MIGA1: variants seen among roughly 807,000 people sequenced by gnomAD.
MIGA1 encodes mitoguardin 1, also known as family with sequence similarity 73, member A.
A neutral mutation model predicts 82.0 loss-of-function variants in MIGA1; 58 were observed. The observed-to-expected ratio is 0.71, with a 90% CI of 0.57 to 0.88. The LOEUF (loss-of-function observed/expected upper bound fraction) is 0.88. Ranked by LOEUF, MIGA1 falls within the 40% of genes least tolerant of loss-of-function variation. The probability of loss-of-function intolerance (pLI) is 0.00; values close to 1 mark genes in which losing one functional copy is unlikely to be tolerated. For missense variants in MIGA1, 751 were observed against 749.1 expected, an observed-to-expected ratio of 1.00 and a Z score of -0.03; for synonymous variants, 249 against 253.6, an observed-to-expected ratio of 0.98 and a Z score of 0.17.
chr1:77,782,063 C>T (rs1201015398), intron 1 of MIGA1, among the ~76,000 whole-genome samples: 1 of 151,744 alleles, frequency 6.6e-6, no homozygotes, highest in East Asian at 1.9e-4. Context: ...GGTTCATGGA[C>T]TCAAGCAATC....
At position 77,828,478 on chromosome 1, in the gene MIGA1, G is replaced by T. The variant is rs184426280; in HGVS notation, c.895+13247G>T. Among the ~76,000 whole-genome samples the T allele has an allele frequency of 2.8e-3, 431 of 152,186 alleles. 3 individuals are homozygous for T. The highest frequency in any genetic ancestry group is 6.8e-3 in the Middle Eastern group (2 of 294). ...GATAGACAAGATGGGTATCATTAAGGTTTTTTGCAATAAATTTAAGTAAAT... is the reference window on the plus strand; with the variant it reads ...GATAGACAAGATGGGTATCATTAAGTTTTTTTGCAATAAATTTAAGTAAAT... On this transcript the variant is annotated intron_variant, in intron 7 of 15. Transcript: ENST00000370791.
Position 77,863,986 on chromosome 1 carries a change from TGTA to T in MIGA1, c.1471_1473del (p.Val491del). The T allele has an allele frequency of 6.2e-7, 1 of 1,608,796 alleles. No individual in the cohort carries two copies. Among genetic ancestry groups the T allele is most frequent in the Admixed American group, 1.7e-5 (1 of 58,200 alleles). On this transcript the variant is annotated inframe_deletion, in exon 13 of 16. Coordinates refer to ENST00000370791, the MANE Select transcript of MIGA1 (RefSeq NM_198549.4). The stretch of plus-strand genomic sequence containing the variant: ...AAAACCCACCCACATCCATACAGAA[TGTA>T]GTAAATAATCGATGGCTAAACTCAT...
intron 7 of MIGA1, among the ~76,000 whole-genome samples, chr1:77,824,749 T>C (rs559552102): frequency 1.3e-5 from 2 of 152,290 alleles, no homozygotes; most frequent in Non-Finnish European, 2.9e-5. Context: ...TTACAATGTT[T>C]CCTATGATAA....
intron 5 of MIGA1, among the ~76,000 whole-genome samples, chr1:77,812,257 T>C (rs1297881906): frequency 1.3e-5 from 2 of 152,100 alleles, no homozygotes; most frequent in Non-Finnish European, 2.9e-5. Context: ...TCACCTGAGG[T>C]CAGGAGTTCG....
chr1:77,857,821 T>C (rs1233154400), intron 8 of MIGA1, among the ~76,000 whole-genome samples: 3 of 151,254 alleles, frequency 2.0e-5, no homozygotes, highest in Non-Finnish European at 4.4e-5. Flanking sequence ...TATGTAGAGT[T>C]GTTATGCTAG....
chr1:77,785,320 T>C (rs1012855016), intron 2 of MIGA1, among the ~76,000 whole-genome samples: 6 of 152,128 alleles, frequency 3.9e-5, no homozygotes, highest in Non-Finnish European at 8.8e-5. Context: ...CCATGCAAGT[T>C]TGAAATCCAG....
intron 5 of MIGA1, among the ~76,000 whole-genome samples, chr1:77,812,048 T>C (rs1683359886): frequency 1.3e-5 from 2 of 152,214 alleles, no homozygotes; most frequent in Admixed American, 6.5e-5. Context: ...GTGTGGTGGC[T>C]CACACCTGTA....
Position 77,858,927 on chromosome 1 carries a change from C to G in MIGA1, c.997-11C>G, listed in dbSNP as rs371027943. On this transcript the variant is annotated splice_polypyrimidine_tract_variant and intron_variant, in intron 8 of 15. Transcript: ENST00000370791. ...TAGCCTGTATTCTGTTCTAACCCAC[C>G]GTGCTCTTAGCTTGCAGAACACAGA... 6.6e-7 allele frequency: 1 copy of G among 1,510,340 alleles called. No individual in the cohort carries two copies. Among genetic ancestry groups the G allele is most frequent in the African/African-American group, 1.4e-5 (1 of 72,762 alleles). The allele number at this position is 1,510,340 out of a possible 1,614,324, so 93.6% of individuals were successfully genotyped here. A position where few individuals can be genotyped will look rare whatever the true frequency, so the allele number is the denominator to read the frequency against.
chr1:77,785,138 A>G (rs553623132), intron 2 of MIGA1, among the ~76,000 whole-genome samples: 2 of 152,312 alleles, frequency 1.3e-5, no homozygotes, highest in East Asian at 3.9e-4. Flanking sequence ...GCATTAACTC[A>G]AAAGTCCACA....
intron 2 of MIGA1, among the ~76,000 whole-genome samples, chr1:77,799,758 A>G (rs1294830394): frequency 6.7e-6 from 1 of 149,672 alleles, no homozygotes; most frequent in Non-Finnish European, 1.5e-5. Flanking sequence ...GTCTGCAGTA[A>G]TGACTCCTCC....
chr1:77,818,122 ATTTTTTT>A (rs757391899), intron 7 of MIGA1, among the ~76,000 whole-genome samples: 1 of 134,986 alleles, frequency 7.4e-6, no homozygotes, highest in Non-Finnish European at 1.6e-5. Flanking sequence ...CGTCCTGCTA[ATTTTTTT>A]TTTTTTTTTT....
intron 14 of MIGA1, among the ~76,000 whole-genome samples, chr1:77,867,769 A>T (rs1003098071): frequency 4.6e-5 from 7 of 152,246 alleles, no homozygotes; most frequent in African/African-American, 1.4e-4. Flanking sequence ...TTTCAATCTT[A>T]TAACTTTGAG....
In MIGA1 at chr1:77,878,901, G is replaced by A. The variant is rs375831166; in HGVS notation, c.*3837G>A. 9.0e-5 allele frequency: 31 copies of A among 344,076 alleles called. No homozygotes were observed. Among genetic ancestry groups the A allele is most frequent in the Middle Eastern group, 7.5e-4 (1 of 1,334 alleles). 21.3% of individuals were successfully genotyped at this position (344,076 alleles called of 1,614,324 possible). On this transcript the variant is annotated 3_prime_UTR_variant, in exon 16 of 16. Coordinates refer to ENST00000370791, the MANE Select transcript of MIGA1 (RefSeq NM_198549.4). ...ATTTGCATCCATTTACTATGATTCCGTTAATTTGTTGAATTAAATGCCTTT... is the reference window on the plus strand; with the variant it reads ...ATTTGCATCCATTTACTATGATTCCATTAATTTGTTGAATTAAATGCCTTT...
chr1:77,822,838 T>G (rs1322828142), intron 7 of MIGA1, among the ~76,000 whole-genome samples: 1 of 148,066 alleles, frequency 6.8e-6, no homozygotes, highest in African/African-American at 2.5e-5. Flanking sequence ...TCAGCATGTT[T>G]TTTTTTTTTT....
intron 7 of MIGA1, among the ~76,000 whole-genome samples, chr1:77,833,981 A>T (rs972438113): frequency 6.6e-6 from 1 of 152,252 alleles, no homozygotes; most frequent in Non-Finnish European, 1.5e-5. Flanking sequence ...CAATCATAGT[A>T]TATAAAAATT....
intron 2 of MIGA1, 38 bp from the exon 3 acceptor site, chr1:77,801,293 A>G: frequency 6.8e-7 from 1 of 1,470,194 alleles, no homozygotes; most frequent in Non-Finnish European, 9.1e-7. Context: ...TGAACAAATT[A>G]AAGAGATTTT....
intron 7 of MIGA1, among the ~76,000 whole-genome samples, chr1:77,833,684 C>T (rs533674886): frequency 7.2e-5 from 11 of 152,174 alleles, no homozygotes; most frequent in Non-Finnish European, 1.6e-4. Context: ...ATTTCTGCCC[C>T]GACTTATTCC....
In MIGA1 at chr1:77,851,804, G is replaced by A. The variant is rs947081847; in HGVS notation, c.997-7134G>A. Among the ~76,000 whole-genome samples, 3 of 151,800 alleles carry A rather than the reference G, an allele frequency of 2.0e-5. No individual in the cohort carries two copies. The South Asian group carries it at 6.2e-4, about 32-fold the overall frequency. On this transcript the variant is annotated intron_variant, in intron 8 of 15. Coordinates refer to ENST00000370791, the MANE Select transcript of MIGA1 (RefSeq NM_198549.4). Reference sequence around the variant, plus strand: ...TCAACTCTGGAATCTCCCATTGTTGGATTGTCTTCTTATTATTGTTAGAAA... The same window carrying A: ...TCAACTCTGGAATCTCCCATTGTTGAATTGTCTTCTTATTATTGTTAGAAA...
At chr1:77,806,197 C>G (rs2101767777) in intron 4 of MIGA1, among the ~76,000 whole-genome samples, 1 of 152,320 alleles carries the variant, frequency 6.6e-6, no homozygotes, top group East Asian at 1.9e-4. Flanking sequence ...ACCTGTACCA[C>G]ATGCTACTGA....
Sources: gnomAD v4.1 joint callset for allele counts (sites outside exome capture counted in the v4.1 genomes callset) on GRCh38, gnomAD v4.1.1 for gene constraint, MANE v1.5 for transcripts, NCBI Gene and HGNC (gene_info 2026-07-23, HGNC 2026-07-21) for gene names.